DIAPH3: variants seen among roughly 807,000 people sequenced by gnomAD.
DIAPH3 encodes diaphanous related formin 3.
In DIAPH3, 117 loss-of-function variants were observed where a neutral mutation model predicts 144.3. The ratio of observed to expected loss-of-function variants is 0.81; its 90% CI spans 0.70 to 0.95. DIAPH3 has a LOEUF of 0.95. DIAPH3 is among the 40% of genes least tolerant of loss of function. The pLI, the probability that DIAPH3 is intolerant of heterozygous loss-of-function variation, is 0.00. For missense variants in DIAPH3, 1,421 were observed against 1,412.7 expected (o/e 1.01, Z -0.09); for synonymous variants, 519 against 488.9 (o/e 1.06, Z -0.81).
chr13:60,087,179 G>A (rs1040464575), intron 4 of DIAPH3, among the ~76,000 whole-genome samples: 12 of 152,080 alleles, frequency 7.9e-5, no homozygotes, highest in African/African-American at 2.7e-4. Flanking sequence ...TTCAACCTAC[G>A]GTTAGTTGAA....
chr13:60,035,346 A>G (rs1326837477), intron 5 of DIAPH3, among the ~76,000 whole-genome samples: 1 of 152,228 alleles, frequency 6.6e-6, no homozygotes, highest in Non-Finnish European at 1.5e-5. Flanking sequence ...ATAAACCAAA[A>G]AAAAGCTATA....
At chr13:59,682,603 T>G (rs536120683) in intron 27 of DIAPH3, among the ~76,000 whole-genome samples, 1 of 152,350 alleles carries the variant, frequency 6.6e-6, no homozygotes, top group South Asian at 2.1e-4. Context: ...TGCCTTTAAA[T>G]TTTTTAGCTG....
chr13:59,975,608 A>G (rs565524874), intron 14 of DIAPH3, among the ~76,000 whole-genome samples: 2 of 152,146 alleles, frequency 1.3e-5, no homozygotes, highest in East Asian at 1.9e-4. Context: ...AACCCTACAC[A>G]TGCATTCTCT....
intron 25 of DIAPH3, among the ~76,000 whole-genome samples, chr13:59,802,906 G>A (rs980649489): frequency 4.0e-5 from 6 of 149,894 alleles, no homozygotes; most frequent in Non-Finnish European, 7.4e-5. Flanking sequence ...GGATGGTCTC[G>A]ATCTCCTGAC....
intron 27 of DIAPH3, among the ~76,000 whole-genome samples, chr13:59,720,441 A>C (rs1467436061): frequency 6.6e-6 from 1 of 152,208 alleles, no homozygotes; most frequent in Non-Finnish European, 1.5e-5. Context: ...ATTTTGTAAA[A>C]AAAGTTCTTA....
At chr13:60,056,607 A>C (rs2141271210) in intron 4 of DIAPH3, among the ~76,000 whole-genome samples, 1 of 152,012 alleles carries the variant, frequency 6.6e-6, no homozygotes, top group East Asian at 1.9e-4. Flanking sequence ...ACTAAAAGGA[A>C]CTACAAGGAA....
chr13:59,851,903 C>T (rs1425840346), intron 22 of DIAPH3, among the ~76,000 whole-genome samples: 2 of 152,270 alleles, frequency 1.3e-5, no homozygotes, highest in South Asian at 4.1e-4. Context: ...CAGGCGTGAG[C>T]CATGGCGCCC....
At chr13:59,714,990 A>AG (rs1376823411) in intron 27 of DIAPH3, among the ~76,000 whole-genome samples, 1 of 152,170 alleles carries the variant, frequency 6.6e-6, no homozygotes, top group East Asian at 1.9e-4. Context: ...AAGAATGAAA[A>AG]GGGGCAGTAC....
At chr13:60,006,799 C>T (rs569140807) in intron 9 of DIAPH3, among the ~76,000 whole-genome samples, 11 of 152,116 alleles carry the variant, frequency 7.2e-5, no homozygotes, top group African/African-American at 1.7e-4. Context: ...TGGGCAAGGT[C>T]GATGTCACAG....
chr13:59,717,936 T>C (rs944862952), intron 27 of DIAPH3, among the ~76,000 whole-genome samples: 1 of 152,204 alleles, frequency 6.6e-6, no homozygotes, highest in Non-Finnish European at 1.5e-5. Flanking sequence ...GTACTGAACT[T>C]ATTTCTAATC....
intron 27 of DIAPH3, among the ~76,000 whole-genome samples, chr13:59,684,679 T>G (rs1357860740): frequency 6.6e-6 from 1 of 152,162 alleles, no homozygotes; most frequent in Non-Finnish European, 1.5e-5. Context: ...AGCAGATAGA[T>G]CAGTAACAGA....
At chr13:59,989,134 A>G (rs969748810) in intron 12 of DIAPH3, among the ~76,000 whole-genome samples, 1 of 151,858 alleles carries the variant, frequency 6.6e-6, no homozygotes, top group East Asian at 1.9e-4. Context: ...TAAACAAAAA[A>G]TGTTACAGGT....
chr13:60,138,550 T>C (rs960954588), intron 1 of DIAPH3, among the ~76,000 whole-genome samples: 5 of 152,218 alleles, frequency 3.3e-5, no homozygotes, highest in African/African-American at 1.2e-4. Flanking sequence ...ATTAGCACTG[T>C]TTTAAGATAA....
intron 24 of DIAPH3, 130 bp from the exon 25 acceptor site, chr13:59,811,053 A>T (rs1321784767): frequency 7.1e-6 from 6 of 841,386 alleles, no homozygotes; most frequent in Non-Finnish European, 1.1e-5. Flanking sequence ...TTATGTTAGT[A>T]ATACAGTCTT....
rs1483705544 is a variant in DIAPH3 at position 60,029,197 on chromosome 13, C to T, written c.627-13052G>A. Among the ~76,000 whole-genome samples, 3 of 151,860 alleles carry T rather than the reference C, an allele frequency of 2.0e-5. No homozygotes were observed. In the East Asian group the frequency reaches 5.8e-4, roughly 29 times the overall value. On this transcript the variant is annotated intron_variant, in intron 5 of 27. Transcript: ENST00000400324. ...ACTGTTATTCTCGATTCCTCCTTTTCATTCACATCCTACATCCAATCCACC... is the reference window on the plus strand; with the variant it reads ...ACTGTTATTCTCGATTCCTCCTTTTTATTCACATCCTACATCCAATCCACC...
At position 59,713,122 on chromosome 13, in the gene DIAPH3, T is replaced by C. The variant is rs1283831574; in HGVS notation, c.3320-46276A>G. 2.6e-5 allele frequency among the ~76,000 whole-genome samples: 4 copies of C among 152,162 alleles called. No individual in the cohort carries two copies. The East Asian group carries it at 5.8e-4, about 22-fold the overall frequency. Reference sequence around the variant, plus strand: ...TCCTAACATGCTGCTAACCAGTACCTATCTGTGGCCTGGGGGTTGTGGACC... The same window carrying C: ...TCCTAACATGCTGCTAACCAGTACCCATCTGTGGCCTGGGGGTTGTGGACC... On this transcript the variant is annotated intron_variant, in intron 27 of 27. Transcript: ENST00000400324.
intron 27 of DIAPH3, among the ~76,000 whole-genome samples, chr13:59,720,274 T>G (rs997660825): frequency 7.9e-5 from 12 of 152,166 alleles, no homozygotes; most frequent in Non-Finnish European, 1.8e-4. Flanking sequence ...GGGTCTGTCA[T>G]TGACCTAAAT....
At chr13:59,954,192 T>C (rs1157319890) in intron 17 of DIAPH3, among the ~76,000 whole-genome samples, 2 of 152,206 alleles carry the variant, frequency 1.3e-5, no homozygotes, top group Non-Finnish European at 1.5e-5. Context: ...TCAACTCCTT[T>C]CTAATAATGC....
intron 17 of DIAPH3, among the ~76,000 whole-genome samples, chr13:59,934,080 A>G (rs2048150200): frequency 6.6e-6 from 1 of 152,162 alleles, no homozygotes; most frequent in Non-Finnish European, 1.5e-5. Context: ...AAAACACCTC[A>G]GAATATGCAG....
Sources: gnomAD v4.1 joint callset for allele counts (sites outside exome capture counted in the v4.1 genomes callset) on GRCh38, gnomAD v4.1.1 for gene constraint, MANE v1.5 for transcripts, NCBI Gene and HGNC (gene_info 2026-07-23, HGNC 2026-07-21) for gene names.